Variants in SUGT1 observed in about 807,000 individuals in gnomAD.
The protein encoded by SUGT1 is protein SGT1 homolog.
Under a neutral mutation model 56.1 loss-of-function variants are expected in SUGT1, and 15 were observed. The ratio of observed to expected loss-of-function variants is 0.27; its 90% confidence interval spans 0.18 to 0.41. SUGT1 has a LOEUF of 0.41. Among genes scored for constraint, SUGT1 ranks in the 10% least tolerant of loss-of-function variants. SUGT1 has a pLI of 1.00. For synonymous variants in SUGT1, 123 were observed against 128.6 expected, an observed-to-expected ratio of 0.96 and a Z score of 0.30; for missense variants, 347 against 382.2, an observed-to-expected ratio of 0.91 and a Z score of 0.77.
At chr13:52,674,456 C>T (rs1352468923) in intron 10 of SUGT1, among the ~76,000 whole-genome samples, 5 of 152,064 alleles carry the variant, frequency 3.3e-5, no homozygotes, top group East Asian at 1.9e-4. Context: ...ACCCCACATA[C>T]ATATACCATC....
intron 12 of SUGT1, chr13:52,687,509 T>G (rs181045638): frequency 4.5e-5 from 12 of 266,662 alleles, no homozygotes; most frequent in African/African-American, 2.6e-4. Flanking sequence ...TTATGGAACT[T>G]GTTAACCTCT....
intron 5 of SUGT1, chr13:52,661,409 CA>C (rs1962443148): frequency 4.8e-6 from 1 of 207,512 alleles, no homozygotes; most frequent in African/African-American, 2.4e-5. Flanking sequence ...TCTCCTGCCT[CA>C]ACCTCCTGAG....
In SUGT1 at chr13:52,676,606, C is replaced by T. The variant is rs578046754; in HGVS notation, c.718+286C>T. On this transcript the variant is annotated intron_variant, in intron 11 of 12. Transcript: ENST00000310528. ...ATCAGTTGGAGGGTGTTTAGTTTTG[C>T]GTGTTGGCCCTTCCTGTTGTTTCTT... Among the ~76,000 whole-genome samples, 10 of 152,200 alleles carry T rather than the reference C, an allele frequency of 6.6e-5. No individual in the cohort carries two copies. In the South Asian group the frequency reaches 1.9e-3, roughly 28 times the overall value.
At chr13:52,663,934 G>T in intron 7 of SUGT1, 101 bp from the exon 8 acceptor site, 2 of 1,113,756 alleles carry the variant, frequency 1.8e-6, no homozygotes, top group Non-Finnish European at 2.7e-6. Context: ...TAACTGCAGT[G>T]TTGGGTAAAT....
intron 10 of SUGT1, among the ~76,000 whole-genome samples, chr13:52,670,499 A>T (rs965178989): frequency 6.6e-6 from 1 of 152,186 alleles, no homozygotes. Flanking sequence ...ATTAATTTTC[A>T]TTCCCTTTAA....
chr13:52,682,068 T>A (rs976872877), intron 12 of SUGT1, among the ~76,000 whole-genome samples: 5 of 152,194 alleles, frequency 3.3e-5, no homozygotes, highest in Non-Finnish European at 7.3e-5. Context: ...TCATTTTGAT[T>A]AAGTCTAATT....
Position 52,698,607 on chromosome 13 carries a change from A to AAT in SUGT1, c.*10772_*10773insAT, listed in dbSNP as rs1566210785. 2.0e-5 allele frequency: 3 copies of AAT among 150,244 alleles called. No homozygotes were observed. The highest frequency in any genetic ancestry group is 4.4e-5 in the Non-Finnish European group (3 of 67,484). 9.3% of individuals were successfully genotyped at this position (150,244 alleles called of 1,614,324 possible). ...ACTAGTGCACTAAGCTAATTTTTAA[A>AAT]TTTTTTTTGTAGAGACAGGGTCTTG... On this transcript the variant is annotated 3_prime_UTR_variant, in exon 13 of 13. Transcript: ENST00000310528.
chr13:52,657,633 T>C lies in SUGT1; in HGVS notation c.187+11T>C. The C allele has an allele frequency of 6.2e-7, 1 of 1,607,370 alleles. No homozygotes were observed. Among genetic ancestry groups the C allele is most frequent in the East Asian group, 2.2e-5 (1 of 44,786 alleles). ...TTGGGAATTACTGTGGTAACGTTTC[T>C]TATAAAGTATATTGCCCCCTTTTAA... On this transcript the variant is annotated intron_variant, in intron 3 of 12. Coordinates refer to ENST00000310528, the MANE Select transcript of SUGT1 (RefSeq NM_006704.5).
chr13:52,663,396 A>G (rs1026343759), intron 7 of SUGT1, among the ~76,000 whole-genome samples: 1 of 152,180 alleles, frequency 6.6e-6, no homozygotes, highest in Non-Finnish European at 1.5e-5. Flanking sequence ...TCGTTACTAA[A>G]ACCTTATTGC....
chr13:52,666,893 A>G lies in SUGT1; in HGVS notation c.601A>G (p.Ser201Gly). Residue 201 changes from serine (S) to glycine (G), a missense_variant, in exon 10 of 13, where the codon AGC becomes GGC. By Grantham distance (56) the Ser-to-Gly change is moderately conservative. Transcript: ENST00000310528. ...TCTTCATCCTATAATACCAGAACAG[A>G]GCACGTTTAAAGTACTTTCAACAAA... is the stretch of plus-strand genomic sequence containing the variant. ...ELLHPIIPEQSTFKVLSTKIE... is the reference protein window; with the variant it reads ...ELLHPIIPEQGTFKVLSTKIE... The G allele has an allele frequency of 6.2e-7, 1 of 1,612,910 alleles. No homozygotes were observed. Among genetic ancestry groups the G allele is most frequent in the Non-Finnish European group, 8.5e-7 (1 of 1,179,436 alleles).
intron 5 of SUGT1, among the ~76,000 whole-genome samples, chr13:52,660,279 TGGAAACGGTTTTGCTTCCCA>T (rs1463320198): frequency 6.6e-6 from 1 of 152,220 alleles, no homozygotes; most frequent in Admixed American, 6.5e-5. Context: ...GGTTCTTAAC[TGGAAACGGTTTTGCTTCCCA>T]GGAAACTTTA....
chr13:52,657,397 C>T, intron 2 of SUGT1, 135 bp from the exon 3 acceptor site: 1 of 784,126 alleles, frequency 1.3e-6, no homozygotes, highest in Admixed American at 2.7e-5. Flanking sequence ...AGGAAAAACT[C>T]CAATATTATA....
At chr13:52,662,540 C>CGATTAATG in intron 5 of SUGT1, 109 bp from the exon 6 acceptor site, 3 of 1,041,472 alleles carry the variant, frequency 2.9e-6, no homozygotes, top group South Asian at 1.7e-5. Context: ...TCGCTGCCGA[C>CGATTAATG]TCCCCAGTGC....
chr13:52,662,753 C>T (rs371712740), intron 6 of SUGT1, 51 bp downstream of exon 6: 14 of 1,572,570 alleles, frequency 8.9e-6, no homozygotes, highest in African/African-American at 2.8e-5. Flanking sequence ...AAGTAAACAT[C>T]TGAAATTTTT....
Position 52,696,522 on chromosome 13 carries a change from A to G in SUGT1, c.*8687A>G, listed in dbSNP as rs939792951. The G allele has an allele frequency of 2.0e-5, 3 of 152,210 alleles. No homozygotes were observed. Among genetic ancestry groups the G allele is most frequent in the African/African-American group, 7.2e-5 (3 of 41,446 alleles). 9.4% of individuals were successfully genotyped at this position (152,210 alleles called of 1,614,324 possible). Reference sequence around the variant, plus strand: ...GTGCCTTTCACATAGTATGTACTCAAATATTGGAAGTTACTCATCCCAAAC... The same window carrying G: ...GTGCCTTTCACATAGTATGTACTCAGATATTGGAAGTTACTCATCCCAAAC... On this transcript the variant is annotated 3_prime_UTR_variant, in exon 13 of 13. Coordinates refer to ENST00000310528, the MANE Select transcript of SUGT1 (RefSeq NM_006704.5).
chr13:52,673,357 C>A (rs1322426640), intron 10 of SUGT1, among the ~76,000 whole-genome samples: 1 of 151,902 alleles, frequency 6.6e-6, no homozygotes, highest in African/African-American at 2.4e-5. Context: ...TGTGATCCTC[C>A]CACTTCAGCC....
chr13:52,679,638 A>G (rs1963289333), intron 11 of SUGT1, among the ~76,000 whole-genome samples: 1 of 152,220 alleles, frequency 6.6e-6, no homozygotes, highest in Admixed American at 6.5e-5. Flanking sequence ...TTCTGAAAAC[A>G]TAAAAGTTCT....
chr13:52,687,619 T>C, intron 12 of SUGT1, 115 bp from the exon 13 acceptor site: 1 of 564,432 alleles, frequency 1.8e-6, no homozygotes, highest in South Asian at 3.6e-5. Flanking sequence ...AGAGTTTATA[T>C]TGAGCTGTAT....
intron 5 of SUGT1, among the ~76,000 whole-genome samples, chr13:52,659,494 C>T (rs1962322594): frequency 6.6e-6 from 1 of 152,006 alleles, no homozygotes; most frequent in African/African-American, 2.4e-5. Context: ...AAACACCTAA[C>T]ATGCTCTCTC....
Sources: gnomAD v4.1 joint callset for allele counts (sites outside exome capture counted in the v4.1 genomes callset) on GRCh38, gnomAD v4.1.1 for gene constraint, MANE v1.5 for transcripts, NCBI Gene and HGNC (gene_info 2026-07-23, HGNC 2026-07-21) for gene names.